Variants in EBF1 observed in about 807,000 individuals in gnomAD.
The protein encoded by EBF1 is transcription factor COE1.
EBF1 carries 10 observed loss-of-function variants against 68.4 expected under a neutral mutation model. That is an observed-to-expected ratio of 0.15 (90% CI 0.09 to 0.25). The LOEUF (loss-of-function observed/expected upper bound fraction) is 0.25. Among genes scored for constraint, EBF1 ranks in the 10% least tolerant of loss-of-function variants. EBF1 has a pLI of 1.00. For synonymous variants in EBF1, 298 were observed against 299.8 expected (o/e 0.99, Z 0.06); for missense variants, 509 against 794.4 (o/e 0.64, Z 4.32).
intron 6 of EBF1, among the ~76,000 whole-genome samples, chr5:158,891,919 T>C (rs912657862): frequency 3.9e-5 from 6 of 152,146 alleles, no homozygotes; most frequent in Non-Finnish European, 7.4e-5. Flanking sequence ...TATTTATTTA[T>C]TTATTTTTGC....
intron 6 of EBF1, among the ~76,000 whole-genome samples, chr5:158,897,970 G>A (rs2127274194): frequency 6.6e-6 from 1 of 152,198 alleles, no homozygotes; most frequent in South Asian, 2.1e-4. Context: ...GCATCTAGAG[G>A]GCTCAACAAA....
At chr5:159,076,640 T>G (rs1343783329) in intron 5 of EBF1, among the ~76,000 whole-genome samples, 3 of 152,180 alleles carry the variant, frequency 2.0e-5, no homozygotes, top group Non-Finnish European at 4.4e-5. Context: ...AAAAAAACTT[T>G]AGGCCAAGTA....
intron 6 of EBF1, among the ~76,000 whole-genome samples, chr5:158,883,344 GCATGTA>G (rs1347669436): frequency 1.1e-5 from 1 of 92,794 alleles, no homozygotes; most frequent in Non-Finnish European, 2.2e-5. Flanking sequence ...ACACATACAT[GCATGTA>G]TATATATATA....
intron 6 of EBF1, among the ~76,000 whole-genome samples, chr5:159,001,422 C>G (rs1762524359): frequency 1.3e-5 from 2 of 152,132 alleles, no homozygotes; most frequent in Admixed American, 6.6e-5. Context: ...ATTGAAGAGA[C>G]TGGAATCTGT....
chr5:158,806,208 T>G (rs78409993), intron 8 of EBF1, among the ~76,000 whole-genome samples: 3,619 of 152,086 alleles, frequency 0.024, 160 homozygotes, highest in African/African-American at 0.083. Flanking sequence ...CAAAGACAAA[T>G]GGAGGGCTCT....
chr5:159,071,047 T>G (rs1163234133), intron 6 of EBF1, among the ~76,000 whole-genome samples: 3 of 152,236 alleles, frequency 2.0e-5, no homozygotes, highest in African/African-American at 7.2e-5. Context: ...GTTGTTATTC[T>G]CTTCTCTCGC....
chr5:158,899,195 A>G (rs1802776442), intron 6 of EBF1, among the ~76,000 whole-genome samples: 1 of 152,264 alleles, frequency 6.6e-6, no homozygotes, highest in African/African-American at 2.4e-5. Flanking sequence ...AAATATTGCA[A>G]TTACTTGTGA....
At chr5:158,963,012 G>T (rs1205944748) in intron 6 of EBF1, among the ~76,000 whole-genome samples, 3 of 152,126 alleles carry the variant, frequency 2.0e-5, no homozygotes, top group Non-Finnish European at 4.4e-5. Context: ...CACCAGCAAA[G>T]CTGAAAAAGC....
At chr5:158,713,899 T>C (rs550733364) in intron 12 of EBF1, among the ~76,000 whole-genome samples, 4 of 152,332 alleles carry the variant, frequency 2.6e-5, no homozygotes, top group Admixed American at 2.6e-4. Flanking sequence ...TTAAATGGAG[T>C]ACCTTTTCTC....
At chr5:158,736,921 T>C (rs146254834) in intron 10 of EBF1, among the ~76,000 whole-genome samples, 210 of 152,304 alleles carry the variant, frequency 1.4e-3, no homozygotes, top group Middle Eastern at 3.4e-3. Context: ...ACGAGGAAAT[T>C]TGTTGCATTT....
chr5:159,087,164 C>T (rs958467411), intron 4 of EBF1, among the ~76,000 whole-genome samples: 3 of 151,294 alleles, frequency 2.0e-5, no homozygotes, highest in Admixed American at 2.0e-4. Context: ...TTTGGTTCCA[C>T]CACTCTTTAA....
At chr5:158,795,028 A>C (rs544783691) in intron 9 of EBF1, among the ~76,000 whole-genome samples, 46 of 152,292 alleles carry the variant, frequency 3.0e-4, no homozygotes, top group African/African-American at 1.1e-3. Context: ...TGAGTAGAAA[A>C]TACCAAGGCA....
chr5:159,039,035 A>T (rs1160681735), intron 6 of EBF1, among the ~76,000 whole-genome samples: 1 of 152,212 alleles, frequency 6.6e-6, no homozygotes. Context: ...AACAGCCAAA[A>T]GAGTCCTTTT....
In EBF1 at chr5:159,041,924, C is replaced by T. The variant is rs182685953; in HGVS notation, c.554+31472G>A. Among the ~76,000 whole-genome samples, 262 of 152,300 alleles carry T rather than the reference C, an allele frequency of 1.7e-3. 2 individuals are homozygous for T. The highest frequency in any genetic ancestry group is 2.0e-3 in the Non-Finnish European group (136 of 68,036). ...GACGAGATTTAACTACTCACTTTTG[C>T]TTGCATGGCTGTGGTGGAGGAAACC... On this transcript the variant is annotated intron_variant, in intron 6 of 15. Transcript: ENST00000313708.
At chr5:158,759,007 G>A (rs1367864652) in intron 10 of EBF1, among the ~76,000 whole-genome samples, 1 of 152,134 alleles carries the variant, frequency 6.6e-6, no homozygotes, top group Non-Finnish European at 1.5e-5. Context: ...TACCTAAAAC[G>A]CTTATAAATA....
chr5:158,784,744 A>C (rs1777079527), intron 9 of EBF1, among the ~76,000 whole-genome samples: 1 of 152,194 alleles, frequency 6.6e-6, no homozygotes. Flanking sequence ...AAGGGATAAA[A>C]GGAAGGAAAT....
intron 15 of EBF1, among the ~76,000 whole-genome samples, chr5:158,706,567 G>A (rs1757924289): frequency 6.6e-6 from 1 of 152,174 alleles, no homozygotes; most frequent in Non-Finnish European, 1.5e-5. Flanking sequence ...GTGTAGACAA[G>A]TAGAAATATG....
intron 6 of EBF1, among the ~76,000 whole-genome samples, chr5:158,931,066 G>A (rs1311619149): frequency 6.6e-6 from 1 of 152,186 alleles, no homozygotes; most frequent in Non-Finnish European, 1.5e-5. Flanking sequence ...AAATGATGAT[G>A]CTGTGCACAG....
chr5:159,066,145 C>T (rs1776755418), intron 6 of EBF1, among the ~76,000 whole-genome samples: 1 of 152,022 alleles, frequency 6.6e-6, no homozygotes, highest in South Asian at 2.1e-4. Context: ...TCAAAAGGCC[C>T]ACCGAGTGAG....
Sources: allele counts gnomAD v4.1 joint callset (sites outside exome capture counted in the v4.1 genomes callset), GRCh38; gene constraint gnomAD v4.1.1; transcripts MANE v1.5; gene names NCBI Gene and HGNC (gene_info 2026-07-23, HGNC 2026-07-21).